Variants in RFTN2 observed in about 807,000 individuals in gnomAD.
The protein encoded by RFTN2 is raftlin-2.
RFTN2 carries 34 observed loss-of-function variants against 52.7 expected under a neutral mutation model. The ratio of observed to expected loss-of-function variants is 0.64; its 90% CI spans 0.49 to 0.86. The LOEUF (loss-of-function observed/expected upper bound fraction) is 0.86. Ranked by LOEUF, RFTN2 falls within the 40% of genes least tolerant of loss-of-function variation. The pLI is 0.00. For synonymous variants in RFTN2, 203 were observed against 217.7 expected (o/e 0.93, Z 0.59); for missense variants, 536 against 600.1 (o/e 0.89, Z 1.12).
At chr2:197,580,075 C>G (rs926162122) in intron 8 of RFTN2, among the ~76,000 whole-genome samples, 1 of 152,094 alleles carries the variant, frequency 6.6e-6, no homozygotes, top group Admixed American at 6.5e-5. Flanking sequence ...CACTTGGCAA[C>G]AACCCTTAGA....
At chr2:197,655,554 G>A (rs1048050178) in intron 1 of RFTN2, among the ~76,000 whole-genome samples, 3 of 152,172 alleles carry the variant, frequency 2.0e-5, no homozygotes, top group African/African-American at 7.2e-5. Context: ...GGCCAGGCTT[G>A]GTGGCTCACG....
At chr2:197,666,955 T>A (rs1235946670) in intron 1 of RFTN2, among the ~76,000 whole-genome samples, 1 of 152,192 alleles carries the variant, frequency 6.6e-6, no homozygotes, top group Non-Finnish European at 1.5e-5. Flanking sequence ...TTTAATTCAA[T>A]GAATTCTTCA....
chr2:197,581,258 CT>C (rs1225032892), intron 8 of RFTN2, among the ~76,000 whole-genome samples: 1 of 152,202 alleles, frequency 6.6e-6, no homozygotes, highest in Middle Eastern at 3.2e-3. Flanking sequence ...GGATCTGTGC[CT>C]TATTGTTTTG....
chr2:197,646,754 T>C (rs2088756183), intron 1 of RFTN2, 88 bp from the exon 2 acceptor site: 5 of 1,067,854 alleles, frequency 4.7e-6, no homozygotes, highest in Admixed American at 2.4e-5. Flanking sequence ...TACTAATGAA[T>C]AGGAAAAGAT....
At chr2:197,648,235 G>A (rs1225923247) in intron 1 of RFTN2, among the ~76,000 whole-genome samples, 1 of 152,096 alleles carries the variant, frequency 6.6e-6, no homozygotes, top group Non-Finnish European at 1.5e-5. Flanking sequence ...ACCATCAGTG[G>A]GTATTCACGC....
intron 7 of RFTN2, among the ~76,000 whole-genome samples, chr2:197,600,955 A>G (rs1230294503): frequency 6.6e-6 from 1 of 152,260 alleles, no homozygotes; most frequent in Non-Finnish European, 1.5e-5. Flanking sequence ...ACAAGTATAG[A>G]GAACAGTCTA....
chr2:197,669,214 G>C lies in RFTN2; in HGVS notation c.139+6106C>G, dbSNP rs569886789. Among the ~76,000 whole-genome samples, 67 of 152,286 alleles carry C rather than the reference G, an allele frequency of 4.4e-4. 1 individual carries two copies. In the South Asian group the frequency reaches 0.01, roughly 23 times the overall value. On this transcript the variant is annotated intron_variant, in intron 1 of 8. Transcript: ENST00000295049. ...AGGACCAAATTATGACCAAACTCCTGAAGTCTTATGTTTCACTGCTATCTT... is the reference window on the plus strand; with the variant it reads ...AGGACCAAATTATGACCAAACTCCTCAAGTCTTATGTTTCACTGCTATCTT...
At chr2:197,641,266 G>T (rs1400741688) in intron 3 of RFTN2, among the ~76,000 whole-genome samples, 2 of 152,350 alleles carry the variant, frequency 1.3e-5, no homozygotes, top group Non-Finnish European at 2.9e-5. Context: ...AATTCTGAGA[G>T]CGGGGAGAGA....
intron 8 of RFTN2, among the ~76,000 whole-genome samples, chr2:197,591,631 T>A (rs1401121820): frequency 1.3e-5 from 2 of 152,060 alleles, no homozygotes; most frequent in African/African-American, 4.8e-5. Flanking sequence ...GAGGCTCCGG[T>A]GGTGCAGGAG....
chr2:197,656,271 A>G (rs1195857548), intron 1 of RFTN2, among the ~76,000 whole-genome samples: 3 of 152,136 alleles, frequency 2.0e-5, no homozygotes, highest in Non-Finnish European at 4.4e-5. Context: ...TAAGTGCTCT[A>G]CAACCATTGG....
intron 8 of RFTN2, among the ~76,000 whole-genome samples, chr2:197,578,371 AAC>A (rs35176990): frequency 0.44 from 66,235 of 151,844 alleles, 14,797 homozygotes; most frequent in South Asian, 0.56. Context: ...CTTCTGTACC[AAC>A]ACACACTTTT....
At position 197,646,541 on chromosome 2, in the gene RFTN2, G is replaced by A. The variant is rs1164246651; in HGVS notation, c.265C>T (p.Arg89Ter). The change falls in exon 2 of 9, where the codon CGA becomes TGA. Residue 89 changes from arginine to a stop codon, truncating the protein, a stop_gained. Transcript: ENST00000295049. LOFTEE classifies it high-confidence loss of function. ...IHPVIQPVGQRKHLPASYLYR... is the reference protein window; with the variant it reads ...IHPVIQPVGQ The stretch of plus-strand genomic sequence containing the variant: ...AGGTAACTTGCAGGTAGGTGTTTTC[G>A]CTGCCCCACAGGTTGTATAACAGGA... 2.5e-6 allele frequency: 4 copies of A among 1,613,958 alleles called. No homozygotes were observed. The highest frequency in any genetic ancestry group is 4.5e-5 in the East Asian group (2 of 44,884).
intron 8 of RFTN2, among the ~76,000 whole-genome samples, chr2:197,582,381 G>A (rs2087524637): frequency 6.6e-6 from 1 of 152,118 alleles, no homozygotes; most frequent in African/African-American, 2.4e-5. Flanking sequence ...CCCCATAACT[G>A]TATCTCTCTG....
chr2:197,582,470 G>A (rs1010826180), intron 8 of RFTN2, among the ~76,000 whole-genome samples: 1 of 152,110 alleles, frequency 6.6e-6, no homozygotes, highest in Non-Finnish European at 1.5e-5. Flanking sequence ...GTTTATCGAT[G>A]GCAGTTCTAC....
At chr2:197,643,713 A>C (rs534139667) in intron 3 of RFTN2, among the ~76,000 whole-genome samples, 1 of 152,232 alleles carries the variant, frequency 6.6e-6, no homozygotes, top group South Asian at 2.1e-4. Context: ...TTTTCCTAGT[A>C]CAGTTAAGTT....
chr2:197,577,460 C>A (rs2087437176), intron 8 of RFTN2, among the ~76,000 whole-genome samples: 1 of 152,170 alleles, frequency 6.6e-6, no homozygotes, highest in African/African-American at 2.4e-5. Context: ...TTCCTATTCA[C>A]CAAATTTATT....
At chr2:197,669,036 G>A (rs149210143) in intron 1 of RFTN2, among the ~76,000 whole-genome samples, 46 of 152,274 alleles carry the variant, frequency 3.0e-4, no homozygotes, top group Admixed American at 5.9e-4. Context: ...GATATTTCTT[G>A]TCACTTTTCT....
At chr2:197,667,137 T>C (rs2089073022) in intron 1 of RFTN2, among the ~76,000 whole-genome samples, 1 of 152,060 alleles carries the variant, frequency 6.6e-6, no homozygotes, top group Non-Finnish European at 1.5e-5. Flanking sequence ...TGTGCCACCA[T>C]GTCCAGCTAA....
chr2:197,613,286 T>C (rs929077591), intron 7 of RFTN2, among the ~76,000 whole-genome samples: 1 of 152,230 alleles, frequency 6.6e-6, no homozygotes, highest in Non-Finnish European at 1.5e-5. Context: ...AGGCCCTGTA[T>C]AGGTACTTTG....
Sources: gnomAD v4.1 joint callset for allele counts (sites outside exome capture counted in the v4.1 genomes callset) on GRCh38, gnomAD v4.1.1 for gene constraint, MANE v1.5 for transcripts, NCBI Gene and HGNC (gene_info 2026-07-23, HGNC 2026-07-21) for gene names.